The following MICOS10 variants were observed in gnomAD, a reference collection of about 807,000 sequenced individuals.
MICOS10 encodes MICOS complex subunit MIC10.
MICOS10 carries 5 observed loss-of-function variants against 13.4 expected under a neutral mutation model. That is an observed-to-expected ratio of 0.37 (90% CI 0.20 to 0.78). The LOEUF (loss-of-function observed/expected upper bound fraction) is 0.78, where lower values mean the gene tolerates loss of function less well. Ranked by LOEUF, MICOS10 falls within the 30% of genes least tolerant of loss-of-function variation. The probability of loss-of-function intolerance (pLI) is 0.47; values close to 1 mark genes in which losing one functional copy is unlikely to be tolerated. For synonymous variants in MICOS10, 35 were observed against 33.6 expected, an observed-to-expected ratio of 1.04 and a Z score of -0.15; for missense variants, 101 against 94.6, an observed-to-expected ratio of 1.07 and a Z score of -0.28.
rs563888075 is a variant in MICOS10 at position 19,612,191 on chromosome 1, C to T, written c.65-9909C>T. On this transcript the variant is annotated intron_variant, in intron 1 of 3. Transcript: ENST00000322753. The stretch of plus-strand genomic sequence containing the variant: ...CCAAGTAATTGGGACTACAGGCGCC[C>T]ACCACCATGCCTGGCTAATTTTTTT... Among the ~76,000 whole-genome samples the T allele has an allele frequency of 6.0e-5, 9 of 150,210 alleles. No individual in the cohort carries two copies. In the East Asian group the frequency reaches 1.5e-3, roughly 24 times the overall value.
intron 1 of MICOS10, among the ~76,000 whole-genome samples, chr1:19,598,988 G>A (rs76193741): frequency 0.22 from 33,233 of 151,962 alleles, 4,356 homozygotes; most frequent in East Asian, 0.52. Flanking sequence ...GGGCTCAAGC[G>A]ATCCTCCTGC....
At chr1:19,612,713 G>C (rs754427177) in intron 1 of MICOS10, among the ~76,000 whole-genome samples, 2 of 152,042 alleles carry the variant, frequency 1.3e-5, no homozygotes, top group Non-Finnish European at 2.9e-5. Context: ...ACACAGTGCC[G>C]CTGTACTATC....
rs116555125 is a variant in MICOS10 at position 19,603,549 on chromosome 1, G to A, written c.64+6440G>A. On this transcript the variant is annotated intron_variant, in intron 1 of 3. Transcript: ENST00000322753. ...ATTCTGGCACTTCCTGGATTCATAC[G>A]GAGGTCCTGGGAATCCCTAGTGTGA... Among the ~76,000 whole-genome samples the A allele has an allele frequency of 3.5e-3, 536 of 152,290 alleles. 2 individuals carry two copies. The highest frequency in any genetic ancestry group is 0.011 in the African/African-American group (440 of 41,562).
chr1:19,598,236 C>G (rs766884224), intron 1 of MICOS10: 2 of 152,194 alleles, frequency 1.3e-5, no homozygotes, highest in Non-Finnish European at 2.9e-5. Flanking sequence ...TTTAACTTTT[C>G]TGTGCCTGAT....
At chr1:19,608,575 T>C (rs1164230517) in intron 1 of MICOS10, 2 of 824,586 alleles carry the variant, frequency 2.4e-6, no homozygotes, top group Non-Finnish European at 4.2e-6. Context: ...GTGAACAAGA[T>C]TCCTCAAAAT....
chr1:19,620,974 T>G (rs906053641), intron 1 of MICOS10, among the ~76,000 whole-genome samples: 1 of 152,234 alleles, frequency 6.6e-6, no homozygotes, highest in Non-Finnish European at 1.5e-5. Context: ...AAGCTCTGAT[T>G]GTAAGCCATT....
rs768620282 is a variant in MICOS10, at chr1:19,597,092, A to G, written c.47A>G (p.Asp16Gly). 1.9e-6 allele frequency: 3 copies of G among 1,600,738 alleles called. No individual in the cohort carries two copies. The South Asian group carries it at 3.3e-5, about 18-fold the overall frequency. ...AGGAAGTGGGACCGGTGTCTGGCGG[A>G]TGCGGTCGTGAAGATAGGTAAGGGG... The part of the protein sequence containing the change: ...LGRKWDRCLA[D>G]AVVKIGTGFG... Residue 16 changes from aspartate (D) to glycine (G), a missense_variant, in exon 1 of 4, where the codon GAT becomes GGT. Coordinates refer to ENST00000322753, the MANE Select transcript of MICOS10 (RefSeq NM_001032363.4).
At chr1:19,626,038 C>G (rs2094920725) in intron 3 of MICOS10, among the ~76,000 whole-genome samples, 1 of 152,176 alleles carries the variant, frequency 6.6e-6, no homozygotes, top group Non-Finnish European at 1.5e-5. Context: ...CAGACTCTTA[C>G]CGGGGTTGAG....
rs569850744 is a variant in MICOS10, at chr1:19,620,752, A to G, written c.65-1348A>G. On this transcript the variant is annotated intron_variant, in intron 1 of 3. Transcript: ENST00000322753. ...ATTGATGGATGTGGAAGCATTGCTC[A>G]TCTTTTTGATTGAGTGGTACGGTTA... Among the ~76,000 whole-genome samples, 6 of 152,344 alleles carry G rather than the reference A, an allele frequency of 3.9e-5. No homozygotes were observed. The East Asian group carries it at 1.2e-3, about 29-fold the overall frequency.
At chr1:19,621,681 G>A (rs2094904124) in intron 1 of MICOS10, among the ~76,000 whole-genome samples, 1 of 152,268 alleles carries the variant, frequency 6.6e-6, no homozygotes, top group East Asian at 1.9e-4. Flanking sequence ...TCCTCAAAAA[G>A]TAGCCATCAC....
At chr1:19,621,588 C>G (rs2094903692) in intron 1 of MICOS10, among the ~76,000 whole-genome samples, 1 of 152,134 alleles carries the variant, frequency 6.6e-6, no homozygotes, top group Non-Finnish European at 1.5e-5. Context: ...CTCTGGAGGG[C>G]CGTCTTTTTC....
chr1:19,613,652 A>G (rs1468978655), intron 1 of MICOS10, among the ~76,000 whole-genome samples: 3 of 152,252 alleles, frequency 2.0e-5, no homozygotes, highest in Non-Finnish European at 4.4e-5. Context: ...AGGGCGTGGC[A>G]TAGTACCTGG....
intron 1 of MICOS10, chr1:19,608,592 T>C: frequency 1.3e-6 from 1 of 775,640 alleles, no homozygotes; most frequent in Non-Finnish European, 2.3e-6. Flanking sequence ...AAATATTTTC[T>C]GTTAATAAAT....
At chr1:19,608,577 C>T (rs1350543192) in intron 1 of MICOS10, 2 of 821,606 alleles carry the variant, frequency 2.4e-6, no homozygotes, top group African/African-American at 3.4e-5. Context: ...GAACAAGATT[C>T]CTCAAAATAT....
intron 1 of MICOS10, among the ~76,000 whole-genome samples, chr1:19,609,948 C>A (rs1183706298): frequency 6.6e-6 from 1 of 152,164 alleles, no homozygotes. Flanking sequence ...ATGAGACCAT[C>A]CTGGCCAACA....
Position 19,622,147 on chromosome 1 carries a change from A to C in MICOS10, c.112A>C (p.Arg38=). ...GIVFSLTFFK[R]RMWPLAFGSG... is the part of the protein sequence containing the mutation. ...TGTTTTCTCACTTACCTTCTTTAAA[A>C]GTAAGTGTCACTCTGTCTTTTCAAC... is the stretch of plus-strand genomic sequence containing the variant. Residue 38 remains arginine, a splice_region_variant and synonymous_variant, in exon 2 of 4, where the codon AGA becomes CGA. Transcript: ENST00000322753. The C allele has an allele frequency of 6.2e-7, 1 of 1,608,034 alleles. No individual in the cohort carries two copies. Among genetic ancestry groups the C allele is most frequent in the South Asian group, 1.1e-5 (1 of 90,824 alleles).
chr1:19,623,802 C>CCTG, intron 3 of MICOS10: 1 of 426,006 alleles, frequency 2.3e-6, no homozygotes. Flanking sequence ...CAGATATATA[C>CCTG]TCATGTGCTA....
rs944330182 is a variant in MICOS10, at chr1:19,629,697, T to A, written c.*3296T>A. The A allele has an allele frequency of 1.3e-5, 2 of 152,242 alleles. No homozygotes were observed. Among genetic ancestry groups the A allele is most frequent in the African/African-American group, 4.8e-5 (2 of 41,472 alleles). The allele number at this position is 152,242 out of a possible 1,614,324, so 9.4% of individuals were successfully genotyped here. A position where few individuals can be genotyped will look rare whatever the true frequency, so the allele number is the denominator to read the frequency against. On this transcript the variant is annotated 3_prime_UTR_variant, in exon 4 of 4. Coordinates refer to ENST00000322753, the MANE Select transcript of MICOS10 (RefSeq NM_001032363.4). ...TTGCTTTTAGTTTTCCCAAACCTGT[T>A]TACATTTTTTAAAAATGTAACCAAC...
chr1:19,622,256 C>A, intron 2 of MICOS10, 109 bp downstream of exon 2: 1 of 785,248 alleles, frequency 1.3e-6, no homozygotes, highest in East Asian at 2.8e-5. Context: ...GTTGCCAACC[C>A]ATCCATTTAT....
Sources: allele counts gnomAD v4.1 joint callset (sites outside exome capture counted in the v4.1 genomes callset), GRCh38; gene constraint gnomAD v4.1.1; transcripts MANE v1.5; gene names NCBI Gene and HGNC (gene_info 2026-07-23, HGNC 2026-07-21).